DIXDC1: variants seen among roughly 807,000 people sequenced by gnomAD.
The protein encoded by DIXDC1 is DIX domain containing 1, also known as dixin.
In DIXDC1, 64 loss-of-function variants were observed where a neutral mutation model predicts 103.1. That is an observed-to-expected ratio of 0.62 (90% CI 0.51 to 0.76). The LOEUF is 0.76. Among genes scored for constraint, DIXDC1 ranks in the 30% least tolerant of loss-of-function variants. DIXDC1 has a pLI of 0.00. For missense variants in DIXDC1, 759 were observed against 834.2 expected (o/e 0.91, Z 1.11); for synonymous variants, 266 against 298.5 (o/e 0.89, Z 1.12).
At chr11:111,971,724 GTATATCTATATC>G (rs58755877) in intron 3 of DIXDC1, among the ~76,000 whole-genome samples, 91 of 147,800 alleles carry the variant, frequency 6.2e-4, no homozygotes, top group African/African-American at 1.8e-3. Context: ...AATGTGGTGT[GTATATCTATATC>G]TATATCTATA....
At chr11:111,967,068 T>C (rs1331295386) in intron 2 of DIXDC1, among the ~76,000 whole-genome samples, 1 of 152,252 alleles carries the variant, frequency 6.6e-6, no homozygotes, top group African/African-American at 2.4e-5. Flanking sequence ...CATTTTTTTG[T>C]TGGCTTTTCA....
chr11:112,003,660 G>C (rs982996408), intron 17 of DIXDC1, among the ~76,000 whole-genome samples: 28 of 151,698 alleles, frequency 1.8e-4, no homozygotes, highest in Admixed American at 1.7e-3. Flanking sequence ...TTAGCCAGGC[G>C]TGGTGGTGCA....
intron 17 of DIXDC1, among the ~76,000 whole-genome samples, chr11:112,001,359 A>C (rs1370203512): frequency 2.0e-5 from 3 of 152,204 alleles, no homozygotes. Flanking sequence ...GGATGATGAC[A>C]GTGTTCTGGA....
chr11:111,927,609 G>A (rs1468303055), intron 1 of DIXDC1, among the ~76,000 whole-genome samples: 1 of 152,076 alleles, frequency 6.6e-6, no homozygotes, highest in Non-Finnish European at 1.5e-5. Context: ...TTCTCGATCT[G>A]TTCTCCGTTC....
chr11:111,993,437 G>C (rs184657991), intron 12 of DIXDC1, 59 bp from the exon 13 acceptor site: 2 of 1,586,148 alleles, frequency 1.3e-6, no homozygotes, highest in East Asian at 4.5e-5. Flanking sequence ...ACTGCAGAGG[G>C]TGAACTTTTC....
chr11:111,973,269 G>T (rs1566508803), intron 3 of DIXDC1, among the ~76,000 whole-genome samples: 1 of 151,906 alleles, frequency 6.6e-6, no homozygotes, highest in Non-Finnish European at 1.5e-5. Flanking sequence ...CTACTCAGGA[G>T]GCTGAGGTAG....
At chr11:111,974,287 C>A in intron 4 of DIXDC1, 33 bp downstream of exon 4, 1 of 1,574,932 alleles carries the variant, frequency 6.3e-7, no homozygotes. Flanking sequence ...GGGAACTGAT[C>A]CCTCTCTCTG....
chr11:111,969,001 T>A (rs1859822867), intron 3 of DIXDC1, among the ~76,000 whole-genome samples: 1 of 152,026 alleles, frequency 6.6e-6, no homozygotes, highest in East Asian at 2.0e-4. Context: ...CTCGAAATCC[T>A]GACCTCAAGT....
At chr11:111,947,243 T>G (rs1966627168) in intron 1 of DIXDC1, among the ~76,000 whole-genome samples, 1 of 152,106 alleles carries the variant, frequency 6.6e-6, no homozygotes, top group South Asian at 2.1e-4. Flanking sequence ...CATATCTGCT[T>G]CTTACACAAG....
At chr11:111,939,713 A>G (rs887044577) in intron 1 of DIXDC1, among the ~76,000 whole-genome samples, 7 of 152,220 alleles carry the variant, frequency 4.6e-5, no homozygotes, top group African/African-American at 1.4e-4. Context: ...TTTACATACA[A>G]TATTACATTT....
intron 1 of DIXDC1, among the ~76,000 whole-genome samples, chr11:111,953,591 T>TCGG (rs1555170286): frequency 6.6e-6 from 1 of 152,100 alleles, no homozygotes; most frequent in Non-Finnish European, 1.5e-5. Flanking sequence ...TGAGCCAAGA[T>TCGG]CACACCATTG....
rs1289350427 is a variant in DIXDC1 at position 111,977,668 on chromosome 11, C to A, written c.656+2685C>A. ...CCTTCCCGTGGAGGCGTTTTCCAGC[C>A]CCAGCGCGGGGAGACATGCCTGAAT... is the stretch of plus-strand genomic sequence containing the variant. On this transcript the variant is annotated intron_variant, in intron 5 of 19. Coordinates refer to ENST00000440460, the MANE Select transcript of DIXDC1 (RefSeq NM_001037954.4). This position sits in a 1 kb window ranked among gnomAD's most constrained non-coding sequence, Gnocchi z 6.1. 1.4e-5 allele frequency: 22 copies of A among 1,546,652 alleles called. No homozygotes were observed. Among genetic ancestry groups the A allele is most frequent in the Non-Finnish European group, 1.9e-5 (22 of 1,144,638 alleles).
chr11:111,940,030 G>T (rs782729239), intron 1 of DIXDC1, among the ~76,000 whole-genome samples: 3 of 152,202 alleles, frequency 2.0e-5, no homozygotes, highest in Non-Finnish European at 2.9e-5. Flanking sequence ...TTAGGGCTGT[G>T]ACCTCATTCT....
intron 1 of DIXDC1, among the ~76,000 whole-genome samples, chr11:111,957,926 C>T (rs1476754864): frequency 6.6e-6 from 1 of 152,226 alleles, no homozygotes; most frequent in East Asian, 1.9e-4. Flanking sequence ...CAGGTGTGGC[C>T]GGGGCGGCAC....
chr11:112,012,031 T>A (rs1481601212), intron 17 of DIXDC1, among the ~76,000 whole-genome samples: 3 of 152,228 alleles, frequency 2.0e-5, no homozygotes, highest in Non-Finnish European at 1.5e-5. Context: ...ATGACTATAC[T>A]GACAAGTATA....
At chr11:111,988,839 A>G in intron 9 of DIXDC1, 166 bp from the exon 10 acceptor site, 1 of 477,054 alleles carries the variant, frequency 2.1e-6, no homozygotes, top group Non-Finnish European at 3.7e-6. Flanking sequence ...GTTTCTGTGG[A>G]TCAGCCTGTA....
chr11:111,959,051 C>T lies in DIXDC1; in HGVS notation c.61-5498C>T, dbSNP rs372473937. Reference sequence around the variant, plus strand: ...GCACGTCTCCTCTGAGCTGTTCTATCGCTCAATAAAGCTCCTCTTCACCTT... The same window carrying T: ...GCACGTCTCCTCTGAGCTGTTCTATTGCTCAATAAAGCTCCTCTTCACCTT... On this transcript the variant is annotated intron_variant, in intron 1 of 19. Transcript: ENST00000440460. Among the ~76,000 whole-genome samples, 42 of 152,310 alleles carry T rather than the reference C, an allele frequency of 2.8e-4. No individual in the cohort carries two copies. The East Asian group carries it at 6.2e-3, about 22-fold the overall frequency.
rs1555171352 is a variant in DIXDC1, at chr11:111,964,675, G to T, written c.187G>T (p.Val63Phe). ...GATCCTGGCATATCTCATCGAGATT[G>T]TTGGTCAGTTGGCCCTGGACTCTGA... Reference protein sequence around the residue: ...GVILAYLIEIVAGEKLSGVQL... With the variant: ...GVILAYLIEIFAGEKLSGVQL... The change falls in exon 2 of 20, where the codon GTT becomes TTT. Residue 63 changes from valine to phenylalanine, a missense_variant. By Grantham distance (50) the Val-to-Phe change is conservative (BLOSUM62 -1). Transcript: ENST00000440460. The T allele has an allele frequency of 4.4e-6, 7 of 1,602,622 alleles. No homozygotes were observed. Among genetic ancestry groups the T allele is most frequent in the Non-Finnish European group, 6.0e-6 (7 of 1,174,846 alleles).
Position 111,964,598 on chromosome 11 carries a change from G to A in DIXDC1, c.110G>A (p.Arg37Lys), listed in dbSNP as rs1859668751. 12 of 1,611,290 alleles carry A rather than the reference G, an allele frequency of 7.4e-6. No homozygotes were observed. The highest frequency in any genetic ancestry group is 1.0e-5 in the Non-Finnish European group (12 of 1,178,762). ...VAWVNAQLKK[R>K]PAVKPVQDLR... ...TGGGTGAATGCACAGCTGAAGAAGAGGCCAGCAGTGAAGCCTGTGCAGGAC... is the reference window on the plus strand; with the variant it reads ...TGGGTGAATGCACAGCTGAAGAAGAAGCCAGCAGTGAAGCCTGTGCAGGAC... The change falls in exon 2 of 20, where the codon AGG (arginine) becomes AAG (lysine). Residue 37 changes from arginine to lysine, a missense_variant. Around this residue, in one of 3 missense-constraint regions of DIXDC1, gnomAD observed 97 missense variants for 85.4 expected, o/e 1.14. Coordinates refer to ENST00000440460, the MANE Select transcript of DIXDC1 (RefSeq NM_001037954.4).
Sources: allele counts gnomAD v4.1 joint callset (sites outside exome capture counted in the v4.1 genomes callset), GRCh38; gene constraint gnomAD v4.1.1; regional missense constraint gnomAD v4.1.1; non-coding constraint Gnocchi (gnomAD v3.1); transcripts MANE v1.5; gene names NCBI Gene and HGNC (gene_info 2026-07-23, HGNC 2026-07-21).